COG5: variants seen among roughly 807,000 people sequenced by gnomAD.
The protein encoded by COG5 is conserved oligomeric Golgi complex subunit 5.
In COG5, 86 loss-of-function variants were observed where a neutral mutation model predicts 110.4. That is an observed-to-expected ratio of 0.78 (90% CI 0.65 to 0.93). COG5 has a LOEUF of 0.93. Ranked by LOEUF, COG5 falls within the 40% of genes least tolerant of loss-of-function variation. COG5 has a pLI of 0.00. For synonymous variants in COG5, 360 were observed against 334.6 expected, an observed-to-expected ratio of 1.08 and a Z score of -0.83; for missense variants, 1,077 against 987.0, an observed-to-expected ratio of 1.09 and a Z score of -1.22.
intron 12 of COG5, among the ~76,000 whole-genome samples, chr7:107,293,153 A>T (rs1183554120): frequency 6.6e-6 from 1 of 152,154 alleles, no homozygotes. Flanking sequence ...CCAGCAAAGA[A>T]TCACTATTTC....
intron 16 of COG5, among the ~76,000 whole-genome samples, chr7:107,249,368 T>C (rs1802306637): frequency 6.6e-6 from 1 of 152,078 alleles, no homozygotes; most frequent in South Asian, 2.1e-4. Context: ...AACAAAGAAT[T>C]ACCCAGCTCA....
At chr7:107,253,764 A>T (rs1231419194) in intron 16 of COG5, among the ~76,000 whole-genome samples, 1 of 151,920 alleles carries the variant, frequency 6.6e-6, no homozygotes, top group Admixed American at 6.6e-5. Flanking sequence ...TGCTCCAGCC[A>T]CTCGGGCCTC....
At chr7:107,355,556 T>C (rs1050833804) in intron 10 of COG5, among the ~76,000 whole-genome samples, 1 of 152,096 alleles carries the variant, frequency 6.6e-6, no homozygotes, top group Non-Finnish European at 1.5e-5. Flanking sequence ...ATAAACAAAC[T>C]GAGGTATAGC....
intron 8 of COG5, among the ~76,000 whole-genome samples, chr7:107,369,669 A>G (rs1239723809): frequency 6.6e-6 from 1 of 152,150 alleles, no homozygotes; most frequent in Non-Finnish European, 1.5e-5. Flanking sequence ...GATTACAGGC[A>G]TGAGCCAACA....
intron 6 of COG5, among the ~76,000 whole-genome samples, chr7:107,520,130 C>A (rs112356721): frequency 1.3e-5 from 2 of 152,174 alleles, no homozygotes; most frequent in African/African-American, 4.8e-5. Flanking sequence ...AAACTAGGTA[C>A]TGATGGAACA....
chr7:107,389,226 C>G (rs998679298), intron 7 of COG5, among the ~76,000 whole-genome samples: 4 of 151,786 alleles, frequency 2.6e-5, no homozygotes, highest in African/African-American at 9.7e-5. Flanking sequence ...TGGGGTCCCT[C>G]AATAATGGCA....
At chr7:107,544,760 C>A (rs1045982217) in intron 5 of COG5, among the ~76,000 whole-genome samples, 1 of 152,202 alleles carries the variant, frequency 6.6e-6, no homozygotes, top group African/African-American at 2.4e-5. Flanking sequence ...ATCAGGGAAA[C>A]ATAACACCAC....
intron 6 of COG5, chr7:107,475,421 A>T: frequency 1.3e-6 from 1 of 783,498 alleles, no homozygotes; most frequent in Admixed American, 3.0e-5. Context: ...TAAATTGTAA[A>T]AACTGATATT....
chr7:107,203,668 T>C, intron 21 of COG5, 38 bp from the exon 22 acceptor site: 1 of 1,275,192 alleles, frequency 7.8e-7, no homozygotes, highest in Admixed American at 1.7e-5. Flanking sequence ...AAATATTAGA[T>C]AAATCACATA....
chr7:107,369,967 G>C (rs577137849), intron 8 of COG5, among the ~76,000 whole-genome samples: 2 of 152,134 alleles, frequency 1.3e-5, no homozygotes, highest in African/African-American at 2.4e-5. Flanking sequence ...CATGCTTATT[G>C]AATGTGTTCT....
intron 14 of COG5, among the ~76,000 whole-genome samples, chr7:107,276,506 T>G (rs150277196): frequency 2.6e-4 from 40 of 152,080 alleles, no homozygotes; most frequent in African/African-American, 8.9e-4. Context: ...CCTCCATCGC[T>G]ACAAAAAATA....
At chr7:107,560,160 C>A (rs955522698) in intron 1 of COG5, among the ~76,000 whole-genome samples, 11 of 152,180 alleles carry the variant, frequency 7.2e-5, no homozygotes, top group Non-Finnish European at 1.2e-4. Flanking sequence ...ACCTTTCACA[C>A]AGATATCTTA....
In COG5 at chr7:107,373,746, T is replaced by C. The variant is rs575750588; in HGVS notation, c.670-986A>G. 1.3e-5 allele frequency among the ~76,000 whole-genome samples: 2 copies of C among 152,158 alleles called. 1 individual carries two copies. Among genetic ancestry groups the C allele is most frequent in the Admixed American group, 1.3e-4 (2 of 15,276 alleles). ...ATTACCAAGCTAGAAGTTGAGACAC[T>C]GACATATATTTTCAGGCCCAAATAA... is the stretch of plus-strand genomic sequence containing the variant. On this transcript the variant is annotated intron_variant, in intron 7 of 21. Transcript: ENST00000297135.
intron 3 of COG5, among the ~76,000 whole-genome samples, chr7:107,551,813 C>T (rs1802910042): frequency 6.6e-6 from 1 of 152,158 alleles, no homozygotes; most frequent in African/African-American, 2.4e-5. Flanking sequence ...GATAGAGTCT[C>T]ATTATGTTGC....
At chr7:107,454,928 T>C (rs764070328) in intron 6 of COG5, among the ~76,000 whole-genome samples, 6 of 152,202 alleles carry the variant, frequency 3.9e-5, no homozygotes, top group African/African-American at 7.2e-5. Flanking sequence ...TGTTCTAATA[T>C]GTCTTAATAT....
chr7:107,368,090 C>T (rs973763465), intron 8 of COG5, among the ~76,000 whole-genome samples: 3 of 151,964 alleles, frequency 2.0e-5, no homozygotes, highest in African/African-American at 7.3e-5. Flanking sequence ...ATAAGTATGC[C>T]TATTTCCCAC....
At chr7:107,363,820 T>A (rs925682625) in intron 8 of COG5, among the ~76,000 whole-genome samples, 13 of 152,084 alleles carry the variant, frequency 8.5e-5, no homozygotes, top group African/African-American at 3.1e-4. Flanking sequence ...CCAGGCATGG[T>A]GTTGCATGCC....
intron 16 of COG5, among the ~76,000 whole-genome samples, chr7:107,254,545 T>C (rs1431490768): frequency 2.6e-5 from 4 of 152,164 alleles, no homozygotes; most frequent in Non-Finnish European, 4.4e-5. Flanking sequence ...TCTTCTGTTA[T>C]CGAGTTCGAA....
intron 5 of COG5, among the ~76,000 whole-genome samples, chr7:107,543,368 T>C (rs940791868): frequency 6.6e-6 from 1 of 152,182 alleles, no homozygotes; most frequent in Admixed American, 6.5e-5. Flanking sequence ...AGCACTGGAC[T>C]TTGCCTCAGC....
Sources: allele counts gnomAD v4.1 joint callset (sites outside exome capture counted in the v4.1 genomes callset), GRCh38; gene constraint gnomAD v4.1.1; transcripts MANE v1.5; gene names NCBI Gene and HGNC (gene_info 2026-07-23, HGNC 2026-07-21).